Variants in INCENP observed in about 807,000 individuals in gnomAD.
INCENP encodes binds and activates aurora-B and -C in vivo and in vitro.
Under a neutral mutation model 107.3 loss-of-function variants are expected in INCENP, and 43 were observed. The observed-to-expected ratio is 0.40, with a 90% confidence interval of 0.31 to 0.52. INCENP has a LOEUF of 0.52. Among genes scored for constraint, INCENP ranks in the 20% least tolerant of loss-of-function variants. The probability of loss-of-function intolerance (pLI) is 0.53; values close to 1 mark genes in which losing one functional copy is unlikely to be tolerated. For synonymous variants in INCENP, 488 were observed against 494.4 expected (o/e 0.99, Z 0.17); for missense variants, 1,089 against 1,250.9 (o/e 0.87, Z 1.95).
At chr11:62,147,475 G>A (rs973760935) in intron 15 of INCENP, among the ~76,000 whole-genome samples, 1 of 152,178 alleles carries the variant, frequency 6.6e-6, no homozygotes, top group African/African-American at 2.4e-5. Flanking sequence ...GGCCTACCCT[G>A]TGCCTGGTTG....
At chr11:62,140,603 C>T in intron 8 of INCENP, 101 bp from the exon 9 acceptor site, 1 of 1,001,228 alleles carries the variant, frequency 1.0e-6, no homozygotes, top group Admixed American at 2.1e-5. Context: ...GTCTAGAGGC[C>T]TGTGGCCTGG....
chr11:62,140,169 AC>A (rs1361204252), intron 7 of INCENP, 64 bp from the exon 8 acceptor site: 6 of 1,428,830 alleles, frequency 4.2e-6, no homozygotes, highest in East Asian at 4.6e-5. Flanking sequence ...TTCCCCCTAC[AC>A]CCCCATTCCC....
intron 5 of INCENP, 78 bp downstream of exon 5, chr11:62,137,961 G>A (rs776344632): frequency 3.4e-5 from 44 of 1,298,998 alleles, no homozygotes; most frequent in Non-Finnish European, 4.8e-5. Flanking sequence ...AGGGCTGGAA[G>A]CAATTCCTGG....
At chr11:62,129,277 T>G (rs112631502) in intron 3 of INCENP, among the ~76,000 whole-genome samples, 2 of 152,186 alleles carry the variant, frequency 1.3e-5, no homozygotes, top group African/African-American at 4.8e-5. Flanking sequence ...TCAGGAATGA[T>G]TGGGGCTGCA....
At chr11:62,138,070 C>T (rs1026242116) in intron 5 of INCENP, 187 bp downstream of exon 5, 1 of 625,742 alleles carries the variant, frequency 1.6e-6, no homozygotes, top group African/African-American at 1.8e-5. Flanking sequence ...ACCTGGTCTC[C>T]TTGCAGCACC....
intron 18 of INCENP, among the ~76,000 whole-genome samples, chr11:62,151,531 A>G (rs1944372049): frequency 6.6e-6 from 1 of 152,222 alleles, no homozygotes; most frequent in African/African-American, 2.4e-5. Flanking sequence ...TGCCTGGCTC[A>G]TGCGAGCTCT....
chr11:62,148,595 T>C, intron 16 of INCENP, 41 bp downstream of exon 16: 1 of 1,565,220 alleles, frequency 6.4e-7, no homozygotes, highest in Non-Finnish European at 8.7e-7. Flanking sequence ...GGGTCTGCCC[T>C]GAGCTGTGGG....
intron 1 of INCENP, among the ~76,000 whole-genome samples, chr11:62,127,916 C>T (rs938647951): frequency 3.3e-5 from 5 of 151,802 alleles, no homozygotes; most frequent in Non-Finnish European, 2.9e-5. Context: ...GGGGTGGGGA[C>T]AGGGAGGTAT....
intron 2 of INCENP, 146 bp from the exon 3 acceptor site, chr11:62,128,624 G>T (rs1309184434): frequency 1.5e-6 from 1 of 654,552 alleles, no homozygotes; most frequent in Non-Finnish European, 2.7e-6. Context: ...CAGGTGACTT[G>T]CACATGGCCT....
chr11:62,128,322 A>C (rs1943802567), intron 2 of INCENP, 21 bp downstream of exon 2: 1 of 1,613,640 alleles, frequency 6.2e-7, no homozygotes, highest in African/African-American at 1.3e-5. Context: ...GCACAGTGAG[A>C]GGCTGGGAAC....
chr11:62,144,338 A>C lies in INCENP; in HGVS notation c.1606-644A>C, dbSNP rs1044397844. Reference sequence around the variant, plus strand: ...CAGAGCAGACTCTGTCTCCACACAAAAAAAAAAAAAGAAAAAAAAGTGCAT... The same window carrying C: ...CAGAGCAGACTCTGTCTCCACACAACAAAAAAAAAAGAAAAAAAAGTGCAT... On this transcript the variant is annotated intron_variant, in intron 11 of 18. Transcript: ENST00000394818. Among the ~76,000 whole-genome samples, 71 of 148,068 alleles carry C rather than the reference A, an allele frequency of 4.8e-4. 1 individual carries two copies. The highest frequency in any genetic ancestry group is 4.1e-3 in the East Asian group (21 of 5,152).
intron 15 of INCENP, 120 bp downstream of exon 15, chr11:62,147,022 C>A: frequency 6.8e-7 from 1 of 1,475,978 alleles, no homozygotes; most frequent in Non-Finnish European, 9.1e-7. Context: ...TCCTTGGCAC[C>A]AAACCCAGAG....
chr11:62,146,951 G>C (rs369122364), intron 15 of INCENP, 49 bp downstream of exon 15: 329 of 1,589,834 alleles, frequency 2.1e-4, no homozygotes, highest in Non-Finnish European at 2.7e-4. Flanking sequence ...GTGTGGAAGA[G>C]AGACGGTGTG....
chr11:62,145,416 C>A, intron 13 of INCENP, 127 bp downstream of exon 13: 1 of 1,422,514 alleles, frequency 7.0e-7, no homozygotes, highest in Non-Finnish European at 9.6e-7. Context: ...CCCCATGGGC[C>A]CTGGAGTCCA....
In INCENP at chr11:62,150,194, C is replaced by T. The variant is rs778865981; in HGVS notation, c.2529C>T (p.Pro843=). ...DDEAHPRKPI[P]TWARGTPLSQ... ...AGGCCCATCCCCGGAAGCCCATCCC[C>T]ACCTGGGCCCGAGGTAAGCAAAGCC... The change falls in exon 18 of 19, where the codon CCC becomes CCT. Residue 843 remains proline (P), a synonymous_variant. Transcript: ENST00000394818. 1 of 1,614,000 alleles carries T rather than the reference C, an allele frequency of 6.2e-7. No homozygotes were observed. The highest frequency in any genetic ancestry group is 1.1e-5 in the South Asian group (1 of 91,078).
At position 62,148,539 on chromosome 11, in the gene INCENP, G is replaced by A; in HGVS notation, c.2268G>A (p.Glu756=). 1 of 1,607,600 alleles carries A rather than the reference G, an allele frequency of 6.2e-7. No individual in the cohort carries two copies. Among genetic ancestry groups the A allele is most frequent in the Non-Finnish European group, 8.5e-7 (1 of 1,178,036 alleles). The change falls in exon 16 of 19, where the codon GAG becomes GAA. Residue 756 remains glutamate (E), a synonymous_variant. Coordinates refer to ENST00000394818, the MANE Select transcript of INCENP (RefSeq NM_001040694.2). ...LQKEQLQREL[E]EKKKKEEQQR... is the part of the protein sequence containing the mutation. ...AGGAGCAGCTGCAGAGGGAACTGGA[G>A]GAGAAGAAGAAGAAGGTGAGGGGAG...
intron 10 of INCENP, 25 bp downstream of exon 10, chr11:62,141,069 G>A: frequency 6.2e-7 from 1 of 1,604,260 alleles, no homozygotes; most frequent in Non-Finnish European, 8.5e-7. Context: ...CCCAGGCCGG[G>A]CTTTGTGGGA....
chr11:62,142,868 G>A (rs1254622503), intron 11 of INCENP, among the ~76,000 whole-genome samples: 1 of 152,208 alleles, frequency 6.6e-6, no homozygotes, highest in Non-Finnish European at 1.5e-5. Flanking sequence ...GCAGCTTAGA[G>A]CTGAGCCTGG....
chr11:62,127,340 C>G (rs1194464983), intron 1 of INCENP, among the ~76,000 whole-genome samples: 1 of 152,140 alleles, frequency 6.6e-6, no homozygotes, highest in Non-Finnish European at 1.5e-5. Context: ...GGCTGGTTAT[C>G]AAGTTTTAAG....
Sources: allele counts gnomAD v4.1 joint callset (sites outside exome capture counted in the v4.1 genomes callset), GRCh38; gene constraint gnomAD v4.1.1; transcripts MANE v1.5; gene names NCBI Gene and HGNC (gene_info 2026-07-23, HGNC 2026-07-21).